The following KCNC3 variants were observed in gnomAD, a reference collection of about 807,000 sequenced individuals.
The protein encoded by KCNC3 is voltage-gated potassium channel KCNC3.
In KCNC3, 22 loss-of-function variants were observed where a neutral mutation model predicts 43.9. The observed-to-expected ratio is 0.50, with a 90% CI of 0.36 to 0.72. The LOEUF (loss-of-function observed/expected upper bound fraction) is 0.72. Ranked by LOEUF, KCNC3 falls within the 30% of genes least tolerant of loss-of-function variation. The pLI is 0.00. For missense variants in KCNC3, 829 were observed against 1,073.8 expected, an observed-to-expected ratio of 0.77 and a Z score of 3.19; for synonymous variants, 492 against 488.0, an observed-to-expected ratio of 1.01 and a Z score of -0.11.
chr19:50,328,323 C>T lies in KCNC3; in HGVS notation c.760G>A (p.Ala254Thr). Residue 254 changes from alanine to threonine, a missense_variant, in exon 1 of 5, where the codon GCC becomes ACC. This residue lies in a region of KCNC3 where 60 missense variants were observed against 56.0 expected (regional missense o/e 1.07). Coordinates refer to ENST00000477616, the MANE Select transcript of KCNC3 (RefSeq NM_004977.3). ...CCCGCGCCCCCTGGCGGCCCCCCGGCGCCGCCGCCCGCGTCCTGGAAGCAG... is the reference window on the plus strand; with the variant it reads ...CCCGCGCCCCCTGGCGGCCCCCCGGTGCCGCCGCCCGCGTCCTGGAAGCAG... ...RLCFQDAGGG[A>T]GGPPGGAGGA... The T allele has an allele frequency of 8.8e-7, 1 of 1,132,108 alleles. No individual in the cohort carries two copies. The highest frequency in any genetic ancestry group is 1.1e-6 in the Non-Finnish European group (1 of 927,410). 70.1% of individuals were successfully genotyped at this position (1,132,108 alleles called of 1,614,324 possible). A position where few individuals can be genotyped will look rare whatever the true frequency, so the allele number is the denominator to read the frequency against.
chr19:50,322,935 G>T, intron 2 of KCNC3, 40 bp downstream of exon 2: 1 of 1,546,158 alleles, frequency 6.5e-7, no homozygotes, highest in Non-Finnish European at 8.7e-7. Context: ...TCCTCCCCGG[G>T]TCTCCACCTG....
At position 50,329,143 on chromosome 19, in the gene KCNC3, C is replaced by A; in HGVS notation, c.-61G>T. The A allele has an allele frequency of 2.8e-6, 1 of 360,726 alleles. No individual in the cohort carries two copies. Among genetic ancestry groups the A allele is most frequent in the South Asian group, 8.7e-5 (1 of 11,512 alleles). The allele number at this position is 360,726 out of a possible 1,614,324, so 22.3% of individuals were successfully genotyped here. A position where few individuals can be genotyped will look rare whatever the true frequency, so the allele number is the denominator to read the frequency against. On this transcript the variant is annotated 5_prime_UTR_variant, in exon 1 of 5. Transcript: ENST00000477616. ...GGGGCGGGGACACGGGGGGAGAGACCGACGGGATTGGGTGGGAGGAGGAGC... is the reference window on the plus strand; with the variant it reads ...GGGGCGGGGACACGGGGGGAGAGACAGACGGGATTGGGTGGGAGGAGGAGC...
intron 2 of KCNC3, 141 bp downstream of exon 2, chr19:50,322,834 C>T (rs564459663): frequency 2.6e-5 from 20 of 761,776 alleles, no homozygotes; most frequent in African/African-American, 1.4e-4. Context: ...CCTCCTTCTT[C>T]GCCTGAGCTC....
chr19:50,321,329 A>G (rs966508154), intron 2 of KCNC3, among the ~76,000 whole-genome samples: 2 of 152,064 alleles, frequency 1.3e-5, no homozygotes, highest in Admixed American at 6.6e-5. Context: ...TTAGCTGGGT[A>G]TAGTAGTACA....
chr19:50,323,728 C>T lies in KCNC3; in HGVS notation c.1225G>A (p.Val409Met), dbSNP rs1372478003. The change falls in exon 2 of 5, where the codon GTG (valine) becomes ATG (methionine). Residue 409 changes from valine (V) to methionine (M), a missense_variant. By Grantham distance (21) the Val-to-Met change is conservative (BLOSUM62 1). This residue lies in a region of KCNC3 where 157 missense variants were observed against 293.5 expected (regional missense o/e 0.53). Coordinates refer to ENST00000477616, the MANE Select transcript of KCNC3 (RefSeq NM_004977.3). The part of the protein sequence containing the change: ...SGLSSKAAKD[V>M]LGFLRVVRFV... ...CGGACCACCCGCAGGAAGCCCAGCA[C>T]GTCTTTGGCGGCCTTGGAGCTGAGG... 30 of 1,614,098 alleles carry T rather than the reference C, an allele frequency of 1.9e-5. No homozygotes were observed. The highest frequency in any genetic ancestry group is 8.3e-5 in the Admixed American group (5 of 60,014).
At position 50,323,162 on chromosome 19, in the gene KCNC3, C is replaced by T. The variant is rs755920393; in HGVS notation, c.1791G>A (p.Pro597=). ...CCATGGAGGGTGGGGTGATGGGTGG[C>T]GGCGGGCTGATGCCCCCGCTGCCGT... ...PHHGSGGISP[P]PPITPPSMGV... Residue 597 remains proline (P), a synonymous_variant, in exon 2 of 5, where the codon CCG becomes CCA. Coordinates refer to ENST00000477616, the MANE Select transcript of KCNC3 (RefSeq NM_004977.3). The T allele has an allele frequency of 2.6e-5, 40 of 1,526,900 alleles. No individual in the cohort carries two copies. In the South Asian group the frequency reaches 4.4e-4, roughly 17 times the overall value. 94.6% of individuals were successfully genotyped at this position (1,526,900 alleles called of 1,614,324 possible).
In KCNC3 at chr19:50,323,165, C is replaced by T. The variant is rs764008915; in HGVS notation, c.1788G>A (p.Pro596=). The part of the protein sequence containing the change: ...HPHHGSGGIS[P]PPPITPPSMG... ...TGGAGGGTGGGGTGATGGGTGGCGGCGGGCTGATGCCCCCGCTGCCGTGGT... is the reference window on the plus strand; with the variant it reads ...TGGAGGGTGGGGTGATGGGTGGCGGTGGGCTGATGCCCCCGCTGCCGTGGT... The change falls in exon 2 of 5, where the codon CCG becomes CCA. Residue 596 remains proline, a synonymous_variant. Coordinates refer to ENST00000477616, the MANE Select transcript of KCNC3 (RefSeq NM_004977.3). 2.6e-5 allele frequency: 39 copies of T among 1,514,236 alleles called. No homozygotes were observed. The highest frequency in any genetic ancestry group is 1.4e-4 in the Admixed American group (7 of 50,810). The allele number at this position is 1,514,236 out of a possible 1,614,324, so 93.8% of individuals were successfully genotyped here. A position where few individuals can be genotyped will look rare whatever the true frequency, so the allele number is the denominator to read the frequency against.
In KCNC3 at chr19:50,316,017, A is replaced by C; in HGVS notation, c.*98T>G. On this transcript the variant is annotated 3_prime_UTR_variant, in exon 5 of 5. Coordinates refer to ENST00000477616, the MANE Select transcript of KCNC3 (RefSeq NM_004977.3). ...GTCTTGGGGACACCCCCTCCCAGCC[A>C]TTCCCAATTGCTAACCTGGGGGGAA... is the stretch of plus-strand genomic sequence containing the variant. 1 of 224,702 alleles carries C rather than the reference A, an allele frequency of 4.5e-6. No homozygotes were observed. The highest frequency in any genetic ancestry group is 9.2e-6 in the Non-Finnish European group (1 of 108,582). The allele number at this position is 224,702 out of a possible 1,614,324, so 13.9% of individuals were successfully genotyped here.
chr19:50,318,764 G>A (rs2036989287), intron 4 of KCNC3, among the ~76,000 whole-genome samples: 1 of 152,086 alleles, frequency 6.6e-6, no homozygotes, highest in South Asian at 2.1e-4. Context: ...AATTTGTAGT[G>A]CCTGCAACTG....
chr19:50,322,635 C>T (rs942150858), intron 2 of KCNC3, among the ~76,000 whole-genome samples: 5 of 152,204 alleles, frequency 3.3e-5, no homozygotes, highest in African/African-American at 7.2e-5. Flanking sequence ...GGTTCTGCCT[C>T]GGGTCTGCCT....
Position 50,314,804 on chromosome 19 carries a change from G to A in KCNC3, c.*1311C>T, listed in dbSNP as rs1192472263. 1 of 384,862 alleles carries A rather than the reference G, an allele frequency of 2.6e-6. No individual in the cohort carries two copies. Among genetic ancestry groups the A allele is most frequent in the Non-Finnish European group, 5.1e-6 (1 of 195,968 alleles). 23.8% of individuals were successfully genotyped at this position (384,862 alleles called of 1,614,324 possible). A position where few individuals can be genotyped will look rare whatever the true frequency, so the allele number is the denominator to read the frequency against. ...CCCACCCCCCACCCCCAGCTCCTTTGACCTTCTTCCCGGTCACCCCCGAGT... is the reference window on the plus strand; with the variant it reads ...CCCACCCCCCACCCCCAGCTCCTTTAACCTTCTTCCCGGTCACCCCCGAGT... On this transcript the variant is annotated 3_prime_UTR_variant, in exon 5 of 5. Transcript: ENST00000477616.
At position 50,320,261 on chromosome 19, in the gene KCNC3, G is replaced by A. The variant is rs756898920; in HGVS notation, c.2259C>T (p.Ala753=). 17 of 1,049,724 alleles carry A rather than the reference G, an allele frequency of 1.6e-5. No individual in the cohort carries two copies. In the East Asian group the frequency reaches 5.3e-4, roughly 33 times the overall value. 65.0% of individuals were successfully genotyped at this position (1,049,724 alleles called of 1,614,324 possible). A position where few individuals can be genotyped will look rare whatever the true frequency, so the allele number is the denominator to read the frequency against. Residue 753 remains alanine, a synonymous_variant, in exon 4 of 5, where the codon GCC becomes GCT. Transcript: ENST00000477616. ...FLPDLNANAA[A]WISP is the part of the protein sequence containing the mutation. ...GGTTCGTCCACTAGGGGGATATCCA[G>A]GCCGCGGCGTTGGCGTTGAGGTCGG...
chr19:50,322,156 G>C (rs1412907245), intron 2 of KCNC3, among the ~76,000 whole-genome samples: 1 of 152,042 alleles, frequency 6.6e-6, no homozygotes. Context: ...CAGTGCAGGG[G>C]GGGGCCACCA....
At position 50,320,649 on chromosome 19, in the gene KCNC3, C is replaced by T. The variant is rs754380441; in HGVS notation, c.2114G>A (p.Arg705Gln). The change falls in exon 3 of 5, where the codon CGA (arginine) becomes CAA (glutamine). Residue 705 changes from arginine (R) to glutamine (Q), a missense_variant. Coordinates refer to ENST00000477616, the MANE Select transcript of KCNC3 (RefSeq NM_004977.3). ...ATAGTCGGTGAGGAGGAAGCAGGCT[C>T]GGTCCCGGCTATAGCGGCCACGGCT... ...PGSRGRYSRD[R>Q]ACFLLTDYAP... 1.2e-5 allele frequency: 20 copies of T among 1,613,192 alleles called. No homozygotes were observed. The highest frequency in any genetic ancestry group is 1.6e-5 in the Non-Finnish European group (19 of 1,179,916).
At position 50,312,325 on chromosome 19, in the gene KCNC3, G is replaced by GTTC; in HGVS notation, c.*3789_*3790insGAA. On this transcript the variant is annotated 3_prime_UTR_variant, in exon 5 of 5. Coordinates refer to ENST00000477616, the MANE Select transcript of KCNC3 (RefSeq NM_004977.3). ...CTCTGTGTGTGTGTGTGTGTGTGTTGGGGAGGGTGAGCCGCGGAGCTCAGG... is the reference window on the plus strand; with the variant it reads ...CTCTGTGTGTGTGTGTGTGTGTGTTGTTCGGGAGGGTGAGCCGCGGAGCTCAGG... 7.3e-6 allele frequency: 1 copy of GTTC among 136,326 alleles called. No individual in the cohort carries two copies. The highest frequency in any genetic ancestry group is 1.6e-5 in the Non-Finnish European group (1 of 61,680). The allele number at this position is 136,326 out of a possible 1,614,324, so 8.4% of individuals were successfully genotyped here. A position where few individuals can be genotyped will look rare whatever the true frequency, so the allele number is the denominator to read the frequency against.
At position 50,324,160 on chromosome 19, in the gene KCNC3, C is replaced by T; in HGVS notation, c.871-78G>A. ...GGCCATAACATCCAGAAGACCCTTC[C>T]AGTGCCCCCTTCCCCAGCCTCCTGG... On this transcript the variant is annotated intron_variant, in intron 1 of 4. Transcript: ENST00000477616. This position sits in a 1 kb window ranked among gnomAD's most constrained non-coding sequence, Gnocchi z 4.1. The T allele has an allele frequency of 7.0e-7, 1 of 1,419,918 alleles. No homozygotes were observed. The highest frequency in any genetic ancestry group is 2.3e-5 in the East Asian group (1 of 43,064). The allele number at this position is 1,419,918 out of a possible 1,614,324, so 88.0% of individuals were successfully genotyped here. A position where few individuals can be genotyped will look rare whatever the true frequency, so the allele number is the denominator to read the frequency against.
intron 1 of KCNC3, 133 bp downstream of exon 1, chr19:50,328,080 T>C (rs2037127963): frequency 2.1e-6 from 1 of 469,650 alleles, no homozygotes; most frequent in African/African-American, 2.2e-5. Context: ...AGACTCAGGA[T>C]TGGGGAAGAG....
chr19:50,320,543 AGG>A, intron 3 of KCNC3, 48 bp downstream of exon 3: 14 of 1,511,452 alleles, frequency 9.3e-6, no homozygotes, highest in Non-Finnish European at 1.3e-5. Context: ...TCCCCTGGGC[AGG>A]GGAGAGAGAG....
rs969082050 is a variant in KCNC3, at chr19:50,323,029, G to A, written c.1924C>T (p.Pro642Ser). The A allele has an allele frequency of 6.5e-7, 1 of 1,545,738 alleles. No individual in the cohort carries two copies. The highest frequency in any genetic ancestry group is 8.7e-7 in the Non-Finnish European group (1 of 1,145,360). The change falls in exon 2 of 5, where the codon CCC (proline) becomes TCC (serine). Residue 642 changes from proline (P) to serine (S), a missense_variant. Physicochemically the swap from Pro to Ser is moderately conservative, Grantham distance 74. Around this residue, in one of 7 missense-constraint regions of KCNC3, gnomAD observed 308 missense variants for 276.2 expected, o/e 1.11. Coordinates refer to ENST00000477616, the MANE Select transcript of KCNC3 (RefSeq NM_004977.3). ...TGAGCCAACGGGCAAGGCTCGCCGG[G>A]GGCTGGCAGAGGAGGCAGCCCCATG... ...GIMGLPPLPA[P>S]GEPCPLAQEE...
Sources: gnomAD v4.1 joint callset for allele counts (sites outside exome capture counted in the v4.1 genomes callset) on GRCh38, gnomAD v4.1.1 for gene constraint, gnomAD v4.1.1 regional missense constraint, Gnocchi (gnomAD v3.1) non-coding constraint, MANE v1.5 for transcripts, NCBI Gene and HGNC (gene_info 2026-07-23, HGNC 2026-07-21) for gene names.